ARHGEF7: variants seen among roughly 807,000 people sequenced by gnomAD.
The protein encoded by ARHGEF7 is Rho guanine nucleotide exchange factor 7, also known as PAK-interacting exchange factor beta.
A neutral mutation model predicts 109.8 loss-of-function variants in ARHGEF7; 33 were observed. That is an observed-to-expected ratio of 0.30 (90% CI 0.23 to 0.40). The LOEUF is 0.40. ARHGEF7 is among the 10% of genes least tolerant of loss of function. The pLI, the probability that ARHGEF7 is intolerant of heterozygous loss-of-function variation, is 1.00. For missense variants in ARHGEF7, 938 were observed against 1,098.5 expected (o/e 0.85, Z 2.07); for synonymous variants, 458 against 424.6 (o/e 1.08, Z -0.97).
At chr13:111,282,807 A>G (rs1595505397) in intron 15 of ARHGEF7, 1 of 383,666 alleles carries the variant, frequency 2.6e-6, no homozygotes, top group Non-Finnish European at 4.7e-6. Context: ...TCTTTTTACT[A>G]GATGAAGTAC....
chr13:111,115,798 C>G, intron 1 of ARHGEF7, 107 bp downstream of exon 1: 1 of 584,162 alleles, frequency 1.7e-6, no homozygotes, highest in Non-Finnish European at 2.2e-6. Context: ...ACCCGTGCGC[C>G]CTCCTTTGTG....
intron 16 of ARHGEF7, among the ~76,000 whole-genome samples, chr13:111,285,239 T>C (rs983859535): frequency 1.3e-5 from 2 of 152,196 alleles, no homozygotes; most frequent in African/African-American, 2.4e-5. Flanking sequence ...ACCCATTGTT[T>C]AGCTCCCAAG....
At chr13:111,225,618 T>C (rs1035365651) in intron 5 of ARHGEF7, among the ~76,000 whole-genome samples, 2 of 152,178 alleles carry the variant, frequency 1.3e-5, no homozygotes, top group African/African-American at 4.8e-5. Context: ...TGGGTAATTC[T>C]TGCACGATTT....
intron 2 of ARHGEF7, among the ~76,000 whole-genome samples, chr13:111,203,977 T>C (rs1014862226): frequency 1.3e-5 from 2 of 152,124 alleles, no homozygotes; most frequent in South Asian, 2.1e-4. Flanking sequence ...TGTTGGGAGA[T>C]GTACAATCTG....
At position 111,300,759 on chromosome 13, in the gene ARHGEF7, G is replaced by C. The variant is rs776304300; in HGVS notation, c.2323G>C (p.Glu775Gln). 7.5e-6 allele frequency: 12 copies of C among 1,609,582 alleles called. No individual in the cohort carries two copies. Among genetic ancestry groups the C allele is most frequent in the Non-Finnish European group, 9.3e-6 (11 of 1,177,764 alleles). The part of the protein sequence containing the change: ...RMGSTSRSRK[E>Q]SAPQVLLPEE... ...TTTCATGATCCTAGGTTCACGCAAA[G>C]AATCTGCTCCACAAGTTTTGCTTCC... The change falls in exon 20 of 22, where the codon GAA becomes CAA. Residue 775 changes from glutamate to glutamine, a missense_variant. Around this residue, in one of 4 missense-constraint regions of ARHGEF7, gnomAD observed 166 missense variants for 167.3 expected, o/e 0.99. Coordinates refer to ENST00000646102, the MANE Select transcript of ARHGEF7 (RefSeq NM_001354046.2).
intron 3 of ARHGEF7, among the ~76,000 whole-genome samples, chr13:111,209,067 G>A (rs1181329925): frequency 6.6e-6 from 1 of 152,190 alleles, no homozygotes; most frequent in East Asian, 1.9e-4. Flanking sequence ...CCAAACACCT[G>A]GGAGGAAGCT....
chr13:111,274,682 G>A (rs1197927633), intron 10 of ARHGEF7, 49 bp from the exon 11 acceptor site: 1 of 1,221,618 alleles, frequency 8.2e-7, no homozygotes, highest in South Asian at 1.6e-5. Context: ...ACCTTTTTAA[G>A]AAAAGCTTTT....
intron 2 of ARHGEF7, among the ~76,000 whole-genome samples, chr13:111,158,315 G>A (rs2076496606): frequency 1.3e-5 from 2 of 152,170 alleles, no homozygotes; most frequent in African/African-American, 4.8e-5. Flanking sequence ...AGATGAAACT[G>A]GGTGAGCCTG....
intron 2 of ARHGEF7, among the ~76,000 whole-genome samples, chr13:111,164,935 T>C (rs1440568997): frequency 1.3e-5 from 2 of 152,208 alleles, no homozygotes; most frequent in Non-Finnish European, 2.9e-5. Context: ...TACCTGTCAG[T>C]GATAAGGACC....
rs947511347 is a variant in ARHGEF7, at chr13:111,245,149, T to C, written c.950+855T>C. On this transcript the variant is annotated intron_variant, in intron 8 of 21. Transcript: ENST00000646102. The stretch of plus-strand genomic sequence containing the variant: ...AATGCCGGCTGCAGGCATTGTAGTT[T>C]TCAAAGCATCTCATCGATTTGCTGA... Among the ~76,000 whole-genome samples, 4 of 152,194 alleles carry C rather than the reference T, an allele frequency of 2.6e-5. No individual in the cohort carries two copies. The East Asian group carries it at 5.8e-4, about 22-fold the overall frequency.
At chr13:111,246,099 T>C (rs927942182) in intron 8 of ARHGEF7, among the ~76,000 whole-genome samples, 1 of 152,236 alleles carries the variant, frequency 6.6e-6, no homozygotes. Flanking sequence ...GACTATTTTA[T>C]TTTCTTGGTT....
rs987415210 is a variant in ARHGEF7 at position 111,303,680 on chromosome 13, G to GAT, written c.*569_*570dup. Reference sequence around the variant, plus strand: ...AAATAACCTTATTTATACCTGCAGAGATACACTTCAGTCCCATTCAGAAGT... The same window carrying GAT: ...AAATAACCTTATTTATACCTGCAGAGATATACACTTCAGTCCCATTCAGAAGT... On this transcript the variant is annotated 3_prime_UTR_variant, in exon 22 of 22. Transcript: ENST00000646102. 1.2e-4 allele frequency: 19 copies of GAT among 152,208 alleles called. No homozygotes were observed. Among genetic ancestry groups the GAT allele is most frequent in the Non-Finnish European group, 1.2e-4 (8 of 68,088 alleles). 9.4% of individuals were successfully genotyped at this position (152,208 alleles called of 1,614,324 possible).
chr13:111,205,241 C>G, intron 2 of ARHGEF7, 48 bp from the exon 3 acceptor site: 1 of 1,474,714 alleles, frequency 6.8e-7, no homozygotes, highest in Non-Finnish European at 9.3e-7. Context: ...TCATCCTGCA[C>G]CCAACATAAG....
intron 13 of ARHGEF7, 41 bp downstream of exon 13, chr13:111,277,714 G>A (rs1382693034): frequency 7.2e-7 from 1 of 1,387,724 alleles, no homozygotes; most frequent in African/African-American, 1.4e-5. Flanking sequence ...GTGGATCTGA[G>A]GATAATTTCA....
intron 19 of ARHGEF7, chr13:111,293,492 C>T (rs1488121974): frequency 2.0e-6 from 2 of 983,780 alleles, no homozygotes; most frequent in African/African-American, 3.5e-5. Flanking sequence ...AAGGAGTTTT[C>T]ACTGGCCTCA....
At chr13:111,173,261 A>G (rs1234391288) in intron 2 of ARHGEF7, among the ~76,000 whole-genome samples, 2 of 152,108 alleles carry the variant, frequency 1.3e-5, no homozygotes, top group African/African-American at 4.8e-5. Flanking sequence ...ACTGCCTGGG[A>G]GGGCTGGCCG....
chr13:111,214,206 G>A (rs1000037949), intron 4 of ARHGEF7, among the ~76,000 whole-genome samples: 8 of 151,382 alleles, frequency 5.3e-5, no homozygotes, highest in East Asian at 2.0e-4. Context: ...AGTGTAGAGC[G>A]TGCATGCATT....
rs2090735526 is a variant in ARHGEF7 at position 111,258,685 on chromosome 13, G to T, written c.951-8863G>T. Among the ~76,000 whole-genome samples the T allele has an allele frequency of 6.6e-6, 1 of 151,608 alleles. No individual in the cohort carries two copies. On this transcript the variant is annotated intron_variant, in intron 8 of 21. Coordinates refer to ENST00000646102, the MANE Select transcript of ARHGEF7 (RefSeq NM_001354046.2). The surrounding 1 kb of genome is among the most constrained non-coding windows in gnomAD (Gnocchi z 4.4). Reference sequence around the variant, plus strand: ...CCCAGCTGTGGTGGCTACAGGGAGGGACTCCTGCTTGAGAAAAGGAGAGGA... The same window carrying T: ...CCCAGCTGTGGTGGCTACAGGGAGGTACTCCTGCTTGAGAAAAGGAGAGGA...
In ARHGEF7 at chr13:111,273,784, C is replaced by G. The variant is rs749709711; in HGVS notation, c.1074-30C>G. On this transcript the variant is annotated intron_variant, in intron 9 of 21. Transcript: ENST00000646102. The surrounding 1 kb of genome is among the most constrained non-coding windows in gnomAD (Gnocchi z 4.5). ...CACCATTGTCTCTCATTGCTAACCA[C>G]GAGTGTCTCTCTTGCCACTTGCTGC... The G allele has an allele frequency of 6.2e-7, 1 of 1,612,620 alleles. No homozygotes were observed.
Sources: allele counts gnomAD v4.1 joint callset (sites outside exome capture counted in the v4.1 genomes callset), GRCh38; gene constraint gnomAD v4.1.1; regional missense constraint gnomAD v4.1.1; non-coding constraint Gnocchi (gnomAD v3.1); transcripts MANE v1.5; gene names NCBI Gene and HGNC (gene_info 2026-07-23, HGNC 2026-07-21).